GAB2: variants seen among roughly 807,000 people sequenced by gnomAD.
GAB2 encodes the protein GRB2 associated binding protein 2.
A neutral mutation model predicts 65.5 loss-of-function variants in GAB2; 26 were observed. The ratio of observed to expected loss-of-function variants is 0.40; its 90% confidence interval spans 0.29 to 0.55. The LOEUF (loss-of-function observed/expected upper bound fraction) is 0.55, where lower values mean the gene tolerates loss of function less well. Ranked by LOEUF, GAB2 falls within the 20% of genes least tolerant of loss-of-function variation. GAB2 has a pLI of 0.53. For synonymous variants in GAB2, 321 were observed against 329.6 expected, an observed-to-expected ratio of 0.97 and a Z score of 0.28; for missense variants, 884 against 875.8, an observed-to-expected ratio of 1.01 and a Z score of -0.12.
chr11:78,415,180 A>G (rs1319721775), intron 1 of GAB2, among the ~76,000 whole-genome samples: 1 of 152,136 alleles, frequency 6.6e-6, no homozygotes, highest in Non-Finnish European at 1.5e-5. Flanking sequence ...ACTTCAAATT[A>G]AGTCAGTTTT....
intron 1 of GAB2, among the ~76,000 whole-genome samples, chr11:78,291,348 C>T (rs965372391): frequency 2.4e-4 from 36 of 150,016 alleles, no homozygotes; most frequent in Middle Eastern, 3.3e-3. Flanking sequence ...CACCTGTAGT[C>T]CCAGCTACTC....
At chr11:78,377,843 G>C (rs1386349131) in intron 1 of GAB2, among the ~76,000 whole-genome samples, 1 of 152,178 alleles carries the variant, frequency 6.6e-6, no homozygotes, top group African/African-American at 2.4e-5. Flanking sequence ...CACCCTGCCA[G>C]AGATAAGGAG....
At chr11:78,291,555 C>CTTTT (rs796161663) in intron 1 of GAB2, among the ~76,000 whole-genome samples, 971 of 55,044 alleles carry the variant, frequency 0.018, 334 homozygotes, top group African/African-American at 0.024. Flanking sequence ...TTACTTTTTT[C>CTTTT]TTTTTCTTTT....
chr11:78,291,555 C>CTTTTTTTTTTTTTTTT lies in GAB2; in HGVS notation c.76-10655_76-10654insAAAAAAAAAAAAAAAA, dbSNP rs796161663. Among the ~76,000 whole-genome samples the CTTTTTTTTTTTTTTTT allele has an allele frequency of 3.1e-4, 17 of 55,046 alleles. 5 individuals are homozygous for CTTTTTTTTTTTTTTTT. The highest frequency in any genetic ancestry group is 7.7e-4 in the African/African-American group (12 of 15,662). 36.1% of individuals were successfully genotyped at this position (55,046 alleles called of 152,430 possible). On this transcript the variant is annotated intron_variant, in intron 1 of 9. Transcript: ENST00000361507. ...CCTATCTTGAGAGACTTACTTTTTT[C>CTTTTTTTTTTTTTTTT]TTTTTCTTTTTTTTTTTTTTTTTTT...
chr11:78,312,397 C>T (rs1255757693), intron 1 of GAB2, among the ~76,000 whole-genome samples: 1 of 152,120 alleles, frequency 6.6e-6, no homozygotes, highest in Admixed American at 6.6e-5. Flanking sequence ...TTACAACATC[C>T]TGTGAGTTGT....
intron 1 of GAB2, among the ~76,000 whole-genome samples, chr11:78,397,933 T>A (rs554529799): frequency 1.3e-5 from 2 of 152,080 alleles, no homozygotes; most frequent in South Asian, 2.1e-4. Context: ...GCACCTATAG[T>A]CCCAGCTATT....
intron 1 of GAB2, among the ~76,000 whole-genome samples, chr11:78,342,502 G>A (rs1289917777): frequency 3.5e-5 from 5 of 144,180 alleles, no homozygotes; most frequent in Admixed American, 7.4e-5. Context: ...TCCGCCTCCC[G>A]GTTTCACGCC....
chr11:78,237,554 A>C (rs889080044), intron 3 of GAB2, among the ~76,000 whole-genome samples: 3 of 152,220 alleles, frequency 2.0e-5, no homozygotes, highest in African/African-American at 7.2e-5. Context: ...ATGGATTACA[A>C]GGGGGCATGA....
chr11:78,219,401 G>C lies in GAB2; in HGVS notation c.1902C>G (p.Ser634=). 3 of 1,613,804 alleles carry C rather than the reference G, an allele frequency of 1.9e-6. No homozygotes were observed. Among genetic ancestry groups the C allele is most frequent in the Non-Finnish European group, 2.5e-6 (3 of 1,179,828 alleles). The change falls in exon 10 of 10, where the codon TCC becomes TCG. Residue 634 remains serine, a synonymous_variant. Transcript: ENST00000361507. The stretch of plus-strand genomic sequence containing the variant: ...AGTCCACCTTCTCATCAGAGGTGAC[G>C]GATGAAGTAGATGGCTGAGGGGACA... ...PSPHRKPSTS[S]VTSDEKVDYV...
At chr11:78,317,429 G>A (rs556127833) in intron 1 of GAB2, among the ~76,000 whole-genome samples, 12 of 151,564 alleles carry the variant, frequency 7.9e-5, no homozygotes, top group South Asian at 4.2e-4. Context: ...GTGTGGTGGC[G>A]GGCAGCTGTA....
intron 1 of GAB2, among the ~76,000 whole-genome samples, chr11:78,409,288 T>C (rs768877635): frequency 9.9e-5 from 15 of 152,024 alleles, no homozygotes; most frequent in Non-Finnish European, 1.5e-4. Context: ...TAAATGTGTA[T>C]ATATTGAACA....
chr11:78,344,478 G>T (rs1300883313), intron 1 of GAB2, among the ~76,000 whole-genome samples: 1 of 152,168 alleles, frequency 6.6e-6, no homozygotes, highest in Admixed American at 6.5e-5. Flanking sequence ...ATTTGATCTT[G>T]ATGTTTGGAA....
At chr11:78,226,355 G>A (rs1324876627) in intron 4 of GAB2, 110 bp downstream of exon 4, 2 of 843,156 alleles carry the variant, frequency 2.4e-6, no homozygotes, top group African/African-American at 3.3e-5. Flanking sequence ...CAGTGACCTA[G>A]GTGGTTCGTA....
chr11:78,409,143 A>G (rs1049628834), intron 1 of GAB2, among the ~76,000 whole-genome samples: 1 of 152,242 alleles, frequency 6.6e-6, no homozygotes, highest in Non-Finnish European at 1.5e-5. Context: ...AGGCTATAAT[A>G]TATCAAGTAG....
At chr11:78,375,188 A>T (rs1856618126) in intron 1 of GAB2, among the ~76,000 whole-genome samples, 1 of 152,164 alleles carries the variant, frequency 6.6e-6, no homozygotes, top group African/African-American at 2.4e-5. Context: ...GGGACTACAG[A>T]TGCATGCCAC....
At chr11:78,370,634 A>G (rs1475890871) in intron 1 of GAB2, among the ~76,000 whole-genome samples, 1 of 152,182 alleles carries the variant, frequency 6.6e-6, no homozygotes, top group East Asian at 1.9e-4. Flanking sequence ...ACGGCTTAGC[A>G]TGAAAACACA....
At chr11:78,254,158 A>G (rs1865532808) in intron 2 of GAB2, among the ~76,000 whole-genome samples, 1 of 152,194 alleles carries the variant, frequency 6.6e-6, no homozygotes, top group South Asian at 2.1e-4. Flanking sequence ...GGGCAGCTAT[A>G]AGGATGAAAA....
intron 1 of GAB2, among the ~76,000 whole-genome samples, chr11:78,332,688 T>C (rs777060420): frequency 7.2e-5 from 11 of 152,194 alleles, no homozygotes; most frequent in Non-Finnish European, 1.6e-4. Context: ...TGAAGGCATA[T>C]GTGAGTAATG....
intron 3 of GAB2, among the ~76,000 whole-genome samples, chr11:78,234,074 GTTTCT>G (rs907597428): frequency 3.9e-5 from 6 of 152,070 alleles, no homozygotes; most frequent in African/African-American, 1.4e-4. Flanking sequence ...TCTTCTAGAA[GTTTCT>G]TTTCTTTTCT....
Sources: allele counts gnomAD v4.1 joint callset (sites outside exome capture counted in the v4.1 genomes callset), GRCh38; gene constraint gnomAD v4.1.1; transcripts MANE v1.5; gene names NCBI Gene and HGNC (gene_info 2026-07-23, HGNC 2026-07-21).